Variants in ROBO2 observed in about 807,000 individuals in gnomAD.
ROBO2 encodes the protein roundabout guidance receptor 2, also known as roundabout homolog 2.
In ROBO2, 53 loss-of-function variants were observed where a neutral mutation model predicts 160.8. The observed-to-expected ratio is 0.33, with a 90% CI of 0.26 to 0.41. ROBO2 has a LOEUF of 0.41. Among genes scored for constraint, ROBO2 ranks in the 10% least tolerant of loss-of-function variants. The pLI is 1.00. For missense variants in ROBO2, 1,577 were observed against 1,722.4 expected (o/e 0.92, Z 1.49); for synonymous variants, 664 against 611.7 (o/e 1.09, Z -1.26).
At chr3:76,998,431 G>T (rs1029406078) in intron 2 of ROBO2, among the ~76,000 whole-genome samples, 20 of 152,096 alleles carry the variant, frequency 1.3e-4, no homozygotes, top group Non-Finnish European at 2.1e-4. Flanking sequence ...CTAGTCTCAG[G>T]TCATATTCAC....
intron 2 of ROBO2, among the ~76,000 whole-genome samples, chr3:77,446,311 TCTTA>T (rs1270750023): frequency 2.6e-5 from 4 of 152,032 alleles, no homozygotes; most frequent in Non-Finnish European, 5.9e-5. Flanking sequence ...ATATGCTCTT[TCTTA>T]CTTCTCTTTC....
At chr3:76,105,752 C>T (rs1483418796) in intron 2 of ROBO2, among the ~76,000 whole-genome samples, 2 of 151,744 alleles carry the variant, frequency 1.3e-5, no homozygotes, top group African/African-American at 4.8e-5. Flanking sequence ...ATGGTATTGC[C>T]TATAAGAGCA....
At chr3:77,018,690 G>T (rs1483935131) in intron 2 of ROBO2, among the ~76,000 whole-genome samples, 2 of 151,948 alleles carry the variant, frequency 1.3e-5, no homozygotes, top group African/African-American at 4.8e-5. Context: ...TGTTTTATTT[G>T]GTTTACTTTC....
chr3:77,374,419 G>A (rs1007665182), intron 2 of ROBO2, among the ~76,000 whole-genome samples: 9 of 152,062 alleles, frequency 5.9e-5, no homozygotes, highest in African/African-American at 2.2e-4. Flanking sequence ...CTGTTGACAA[G>A]TAAATAGTTA....
chr3:76,339,504 A>T (rs994667553), intron 2 of ROBO2, among the ~76,000 whole-genome samples: 66 of 152,120 alleles, frequency 4.3e-4, no homozygotes, highest in African/African-American at 1.5e-3. Context: ...AGGACAAAAG[A>T]TTGACCTGGG....
At position 77,237,109 on chromosome 3, in the gene ROBO2, G is replaced by A. The variant is rs552382915; in HGVS notation, c.388+138769G>A. Among the ~76,000 whole-genome samples, 16 of 150,936 alleles carry A rather than the reference G, an allele frequency of 1.1e-4. No individual in the cohort carries two copies. The South Asian group carries it at 3.2e-3, about 30-fold the overall frequency. Reference sequence around the variant, plus strand: ...GCTCTTCTCCAATTCCTGACCTCAAGCAATTCTCCTGCCTTAGACTCCCAA... The same window carrying A: ...GCTCTTCTCCAATTCCTGACCTCAAACAATTCTCCTGCCTTAGACTCCCAA... On this transcript the variant is annotated intron_variant, in intron 2 of 25. Transcript: ENST00000461745.
At chr3:77,317,409 T>C in intron 2 of ROBO2, 5 of 1,296,842 alleles carry the variant, frequency 3.9e-6, no homozygotes, top group Non-Finnish European at 5.5e-6. Flanking sequence ...CCTCGAGCCA[T>C]AGTCAGTCCA....
intron 2 of ROBO2, among the ~76,000 whole-genome samples, chr3:76,857,073 T>C (rs2070186353): frequency 1.3e-5 from 2 of 151,896 alleles, no homozygotes; most frequent in Admixed American, 1.3e-4. Context: ...GCTAGCTCCT[T>C]CTCCCGGGTT....
At chr3:76,867,820 A>G (rs1309927882) in intron 2 of ROBO2, among the ~76,000 whole-genome samples, 3 of 152,326 alleles carry the variant, frequency 2.0e-5, no homozygotes, top group South Asian at 4.1e-4. Context: ...AGTGCTTTCA[A>G]TAAGAGAGAA....
At chr3:76,256,336 TCTCTCTCTCTCTC>T (rs1423416044) in intron 2 of ROBO2, among the ~76,000 whole-genome samples, 22 of 95,412 alleles carry the variant, frequency 2.3e-4, no homozygotes, top group Non-Finnish European at 4.7e-4. Flanking sequence ...TCTCTCTCTC[TCTCTCTCTCTCTC>T]TCTCACATAC....
At chr3:77,493,200 A>T (rs757200913) in intron 4 of ROBO2, 44 bp from the exon 5 acceptor site, 2 of 1,602,922 alleles carry the variant, frequency 1.2e-6, no homozygotes, top group Non-Finnish European at 1.7e-6. Context: ...AAGCATGCAT[A>T]ATAGTTTATC....
At chr3:75,963,957 C>T (rs1241588996) in intron 2 of ROBO2, among the ~76,000 whole-genome samples, 1 of 151,762 alleles carries the variant, frequency 6.6e-6, no homozygotes, top group Non-Finnish European at 1.5e-5. Context: ...TTATTTAAAT[C>T]ATCCGAATAT....
At chr3:76,882,076 C>T (rs533547694) in intron 2 of ROBO2, among the ~76,000 whole-genome samples, 101 of 123,182 alleles carry the variant, frequency 8.2e-4, no homozygotes, top group Middle Eastern at 4.2e-3. Context: ...TCTGTTGGGT[C>T]GTAGGTTGGT....
intron 2 of ROBO2, among the ~76,000 whole-genome samples, chr3:76,183,149 C>T (rs546233994): frequency 6.6e-6 from 1 of 152,248 alleles, no homozygotes; most frequent in East Asian, 1.9e-4. Context: ...CTAGGTTCAG[C>T]TGTGCTGTCC....
At chr3:76,392,819 C>T (rs2077222840) in intron 2 of ROBO2, among the ~76,000 whole-genome samples, 1 of 152,186 alleles carries the variant, frequency 6.6e-6, no homozygotes, top group South Asian at 2.1e-4. Context: ...TTCAAAGGAA[C>T]TGAATTTTGA....
chr3:76,454,155 G>A (rs2077625087), intron 2 of ROBO2, among the ~76,000 whole-genome samples: 2 of 152,038 alleles, frequency 1.3e-5, no homozygotes, highest in Admixed American at 1.3e-4. Flanking sequence ...GTACTTATTG[G>A]ATCAAATCCT....
chr3:76,556,548 A>G (rs1448932829), intron 2 of ROBO2, among the ~76,000 whole-genome samples: 1 of 152,204 alleles, frequency 6.6e-6, no homozygotes, highest in African/African-American at 2.4e-5. Flanking sequence ...GTTAATAAAA[A>G]GAATGGGTGG....
At chr3:77,647,062 A>T (rs2095417394) in exon 26 of ROBO2, 1 of 152,578 alleles carries the variant, frequency 6.6e-6, no homozygotes, top group African/African-American at 2.4e-5. Flanking sequence ...ACTCTAGAAT[A>T]TCTAGCAAAT....
chr3:76,193,687 T>C (rs1408376941), intron 2 of ROBO2, among the ~76,000 whole-genome samples: 1 of 152,238 alleles, frequency 6.6e-6, no homozygotes, highest in Non-Finnish European at 1.5e-5. Context: ...ATCAGACATT[T>C]GTCAGTGAGA....
Sources: gnomAD v4.1 joint callset for allele counts (sites outside exome capture counted in the v4.1 genomes callset) on GRCh38, gnomAD v4.1.1 for gene constraint, MANE v1.5 for transcripts, NCBI Gene and HGNC (gene_info 2026-07-23, HGNC 2026-07-21) for gene names.